CSMD1: variants seen among roughly 807,000 people sequenced by gnomAD.
The protein encoded by CSMD1 is CUB and sushi domain-containing protein 1.
A neutral mutation model predicts 417.5 loss-of-function variants in CSMD1; 213 were observed. The ratio of observed to expected loss-of-function variants is 0.51; its 90% CI spans 0.46 to 0.57. CSMD1 has a LOEUF of 0.57. Among genes scored for constraint, CSMD1 ranks in the 20% least tolerant of loss-of-function variants. The pLI, the probability that CSMD1 is intolerant of heterozygous loss-of-function variation, is 0.00. For missense variants in CSMD1, 6,923 were observed against 4,529.7 expected (o/e 1.53, Z -15.17); for synonymous variants, 2,862 against 1,736.8 (o/e 1.65, Z -16.11).
chr8:4,103,337 AG>A (rs1181084544), intron 3 of CSMD1, among the ~76,000 whole-genome samples: 41 of 151,538 alleles, frequency 2.7e-4, no homozygotes, highest in African/African-American at 9.7e-4. Context: ...TCTCCAGAGT[AG>A]AAAAAAGTTG....
At chr8:3,960,902 G>C (rs1469014253) in intron 5 of CSMD1, among the ~76,000 whole-genome samples, 1 of 151,844 alleles carries the variant, frequency 6.6e-6, no homozygotes, top group African/African-American at 2.4e-5. Context: ...TATCACAAAA[G>C]TCCTCTAGAC....
intron 55 of CSMD1, among the ~76,000 whole-genome samples, chr8:2,976,612 A>G (rs892685341): frequency 6.6e-6 from 1 of 152,140 alleles, no homozygotes; most frequent in African/African-American, 2.4e-5. Flanking sequence ...GCCTCCCAAA[A>G]TGCTGGGATT....
rs1211150485 is a variant in CSMD1, at chr8:2,963,339, A to G, written c.9337T>C (p.Phe3113Leu). 8.7e-6 allele frequency: 14 copies of G among 1,613,944 alleles called. No individual in the cohort carries two copies. The highest frequency in any genetic ancestry group is 1.1e-5 in the Non-Finnish European group (13 of 1,179,864). ...VQNGTVEGSD[F>L]RWGSSISYSC... Reference sequence around the variant, plus strand: ...TAACTTATGCTGGAGCCCCAGCGGAAATCACTTCCCTCCACTGTTCCATTC... The same window carrying G: ...TAACTTATGCTGGAGCCCCAGCGGAGATCACTTCCCTCCACTGTTCCATTC... Residue 3113 changes from phenylalanine to leucine, a missense_variant, in exon 60 of 70, where the codon TTC becomes CTC. Phe to Leu is a conservative substitution (Grantham distance 22). Coordinates refer to ENST00000635120, the MANE Select transcript of CSMD1 (RefSeq NM_033225.6).
Position 3,348,078 on chromosome 8 carries a change from A to G in CSMD1, c.3388T>C (p.Cys1130Arg). 6.2e-7 allele frequency: 1 copy of G among 1,612,828 alleles called. No homozygotes were observed. Among genetic ancestry groups the G allele is most frequent in the Non-Finnish European group, 8.5e-7 (1 of 1,179,270 alleles). ...GCTTCTGTTTCTATTTTATAGATACACTCATGGTTATTATCATAATTGGAT... is the reference window on the plus strand; with the variant it reads ...GCTTCTGTTTCTATTTTATAGATACGCTCATGGTTATTATCATAATTGGAT... Reference protein sequence around the residue: ...FPSNYDNNHECIYKIETEAGK... With the variant: ...FPSNYDNNHERIYKIETEAGK... The change falls in exon 22 of 70, where the codon TGT becomes CGT. Residue 1130 changes from cysteine to arginine, a missense_variant. Transcript: ENST00000635120.
chr8:4,638,526 T>G (rs1351910779), intron 1 of CSMD1, among the ~76,000 whole-genome samples: 1 of 152,174 alleles, frequency 6.6e-6, no homozygotes, highest in East Asian at 1.9e-4. Flanking sequence ...TCCTCACTAT[T>G]GATGTCTACC....
intron 2 of CSMD1, among the ~76,000 whole-genome samples, chr8:4,510,417 A>AAAAAAAAAAAAAAAAAAAAG (rs1802757327): frequency 1.8e-5 from 2 of 110,088 alleles, no homozygotes; most frequent in African/African-American, 6.4e-5. Context: ...AAAAAAAAAA[A>AAAAAAAAAAAAAAAAAAAAG]AAAAAGCAAA....
At chr8:4,776,084 T>A (rs1383271341) in intron 1 of CSMD1, among the ~76,000 whole-genome samples, 5 of 151,960 alleles carry the variant, frequency 3.3e-5, no homozygotes, top group African/African-American at 1.2e-4. Context: ...GATCTCAGAT[T>A]TGAAGAAGCA....
chr8:3,364,415 C>A (rs1809413525), intron 20 of CSMD1, among the ~76,000 whole-genome samples: 1 of 152,156 alleles, frequency 6.6e-6, no homozygotes, highest in African/African-American at 2.4e-5. Flanking sequence ...ATGAATTGTT[C>A]TGAATGTTTA....
rs538158975 is a variant in CSMD1 at position 3,289,550 on chromosome 8, T to G, written c.3951-5204A>C. 1.7e-3 allele frequency among the ~76,000 whole-genome samples: 240 copies of G among 142,824 alleles called. 42 individuals carry two copies. Among genetic ancestry groups the G allele is most frequent in the African/African-American group, 6.6e-3 (233 of 35,066 alleles). The allele number at this position is 142,824 out of a possible 152,430, so 93.7% of individuals were successfully genotyped here. A position where few individuals can be genotyped will look rare whatever the true frequency, so the allele number is the denominator to read the frequency against. ...GTGTGAGATGGTATCTCATTGTGGT[T>G]TTGATTTGCATTTCTCTGATGGCCG... On this transcript the variant is annotated intron_variant, in intron 25 of 69. Coordinates refer to ENST00000635120, the MANE Select transcript of CSMD1 (RefSeq NM_033225.6).
At chr8:4,252,215 A>G (rs139030029) in intron 3 of CSMD1, among the ~76,000 whole-genome samples, 2 of 152,178 alleles carry the variant, frequency 1.3e-5, no homozygotes, top group Admixed American at 6.5e-5. Context: ...AGACAAAGGT[A>G]AACAGGCATA....
rs527265803 is a variant in CSMD1, at chr8:4,619,371, T to C, written c.302+17971A>G. Reference sequence around the variant, plus strand: ...TGTCAATATTTAGCATCAAGACTGATGTCCAGTTTTGAGTGAGGATTTCTT... The same window carrying C: ...TGTCAATATTTAGCATCAAGACTGACGTCCAGTTTTGAGTGAGGATTTCTT... On this transcript the variant is annotated intron_variant, in intron 2 of 69. Transcript: ENST00000635120. 1.8e-4 allele frequency among the ~76,000 whole-genome samples: 28 copies of C among 152,314 alleles called. No individual in the cohort carries two copies. In the South Asian group the frequency reaches 5.4e-3, roughly 29 times the overall value.
chr8:4,885,541 G>C (rs1314288884), intron 1 of CSMD1, among the ~76,000 whole-genome samples: 2 of 151,978 alleles, frequency 1.3e-5, no homozygotes, highest in Non-Finnish European at 2.9e-5. Flanking sequence ...TTATGAGGAG[G>C]TGTTGGATTT....
At chr8:4,232,615 C>G (rs1364741276) in intron 3 of CSMD1, among the ~76,000 whole-genome samples, 1 of 152,138 alleles carries the variant, frequency 6.6e-6, no homozygotes, top group African/African-American at 2.4e-5. Flanking sequence ...TCATGTCTTG[C>G]TGCAAATTAG....
intron 5 of CSMD1, among the ~76,000 whole-genome samples, chr8:3,987,967 T>C (rs2130255247): frequency 6.6e-6 from 1 of 152,334 alleles, no homozygotes; most frequent in South Asian, 2.1e-4. Flanking sequence ...CAAAGGAAAC[T>C]GCTCAACTTT....
chr8:4,629,575 G>C (rs1301199210), intron 2 of CSMD1, among the ~76,000 whole-genome samples: 1 of 151,976 alleles, frequency 6.6e-6, no homozygotes, highest in Non-Finnish European at 1.5e-5. Flanking sequence ...TTTGCCTTTT[G>C]AATGTTAAGT....
chr8:4,375,458 G>A (rs533713821), intron 3 of CSMD1, among the ~76,000 whole-genome samples: 20 of 152,208 alleles, frequency 1.3e-4, no homozygotes, highest in African/African-American at 1.9e-4. Flanking sequence ...GTCCTCACCC[G>A]TTTGTAGTTT....
At chr8:3,379,212 G>T (rs977894988) in intron 18 of CSMD1, among the ~76,000 whole-genome samples, 1 of 152,058 alleles carries the variant, frequency 6.6e-6, no homozygotes, top group African/African-American at 2.4e-5. Context: ...ATCTCTTCAA[G>T]GAGAACTACA....
At chr8:4,186,369 T>C (rs1042408007) in intron 3 of CSMD1, among the ~76,000 whole-genome samples, 2 of 152,240 alleles carry the variant, frequency 1.3e-5, no homozygotes, top group East Asian at 3.9e-4. Flanking sequence ...ATCTTCGTGT[T>C]GAATGCAGCA....
chr8:2,987,123 A>C (rs1026905247), intron 54 of CSMD1, among the ~76,000 whole-genome samples: 1 of 152,070 alleles, frequency 6.6e-6, no homozygotes, highest in African/African-American at 2.4e-5. Flanking sequence ...GTATTTTTCT[A>C]TCATATTTTA....
Sources: gnomAD v4.1 joint callset for allele counts (sites outside exome capture counted in the v4.1 genomes callset) on GRCh38, gnomAD v4.1.1 for gene constraint, MANE v1.5 for transcripts, NCBI Gene and HGNC (gene_info 2026-07-23, HGNC 2026-07-21) for gene names.